The following BBS9 variants were observed in gnomAD, a reference collection of about 807,000 sequenced individuals.
BBS9 encodes Bardet-Biedl syndrome 9, also known as protein PTHB1.
BBS9 carries 89 observed loss-of-function variants against 117.7 expected under a neutral mutation model. That is an observed-to-expected ratio of 0.76 (90% confidence interval 0.64 to 0.90). BBS9 has a LOEUF of 0.90. BBS9 is among the 40% of genes least tolerant of loss of function. The probability of loss-of-function intolerance (pLI) is 0.00; values close to 1 mark genes in which losing one functional copy is unlikely to be tolerated. For synonymous variants in BBS9, 379 were observed against 370.9 expected, an observed-to-expected ratio of 1.02 and a Z score of -0.25; for missense variants, 982 against 1,042.2, an observed-to-expected ratio of 0.94 and a Z score of 0.80.
intron 21 of BBS9, among the ~76,000 whole-genome samples, chr7:33,588,046 A>G (rs1861240223): frequency 6.6e-6 from 1 of 152,114 alleles, no homozygotes; most frequent in Admixed American, 6.6e-5. Context: ...TTCTTCATCC[A>G]TAAATAACTA....
At chr7:33,264,452 G>A in intron 7 of BBS9, 78 bp downstream of exon 7, 2 of 853,838 alleles carry the variant, frequency 2.3e-6, no homozygotes, top group East Asian at 2.8e-5. Flanking sequence ...ATAATTCATG[G>A]GAAGAAAATG....
At chr7:33,408,641 C>G (rs770812189) in intron 19 of BBS9, among the ~76,000 whole-genome samples, 2 of 152,176 alleles carry the variant, frequency 1.3e-5, no homozygotes, top group Non-Finnish European at 2.9e-5. Flanking sequence ...GATTCCATGT[C>G]TTTCCTATTG....
intron 21 of BBS9, among the ~76,000 whole-genome samples, chr7:33,602,276 G>A (rs1863912278): frequency 6.6e-6 from 1 of 152,192 alleles, no homozygotes; most frequent in Non-Finnish European, 1.5e-5. Flanking sequence ...GGTGGGAGCA[G>A]AGGGGGAATT....
chr7:33,398,047 T>C (rs1288673682), intron 19 of BBS9, among the ~76,000 whole-genome samples: 2 of 152,108 alleles, frequency 1.3e-5, no homozygotes, highest in Non-Finnish European at 2.9e-5. Flanking sequence ...TTCAAAGCAA[T>C]GTGAATGCAT....
chr7:33,258,313 T>G (rs375350039), intron 6 of BBS9, among the ~76,000 whole-genome samples: 2 of 152,328 alleles, frequency 1.3e-5, no homozygotes, highest in East Asian at 3.9e-4. Flanking sequence ...AGATATAAAT[T>G]CATCAGGCAA....
chr7:33,635,451 G>T (rs549686838), exon 22 of BBS9, among the ~76,000 whole-genome samples: 1 of 152,310 alleles, frequency 6.6e-6, no homozygotes, highest in African/African-American at 2.4e-5. Flanking sequence ...GCCAGGCCTG[G>T]GCCCTGGAAC....
At chr7:33,450,414 T>C (rs191804227) in intron 19 of BBS9, among the ~76,000 whole-genome samples, 3 of 152,202 alleles carry the variant, frequency 2.0e-5, no homozygotes, top group African/African-American at 7.2e-5. Context: ...TAGATCATGT[T>C]GTAGTTCTAT....
intron 21 of BBS9, among the ~76,000 whole-genome samples, chr7:33,536,449 T>C (rs1449285241): frequency 6.6e-6 from 1 of 152,194 alleles, no homozygotes; most frequent in African/African-American, 2.4e-5. Flanking sequence ...TGTATTGGCA[T>C]ACTTTTGAGG....
intron 1 of BBS9, among the ~76,000 whole-genome samples, chr7:33,134,457 T>C (rs941166063): frequency 6.6e-6 from 1 of 152,216 alleles, no homozygotes; most frequent in Non-Finnish European, 1.5e-5. Context: ...ATTGACTTTT[T>C]TAAATTACTG....
chr7:33,131,335 G>A (rs1789582779), intron 1 of BBS9, among the ~76,000 whole-genome samples: 1 of 152,156 alleles, frequency 6.6e-6, no homozygotes, highest in African/African-American at 2.4e-5. Context: ...AGAGGATAAG[G>A]GACTTGTTTA....
intron 21 of BBS9, among the ~76,000 whole-genome samples, chr7:33,590,491 A>G (rs1861730995): frequency 1.1e-5 from 1 of 91,304 alleles, no homozygotes; most frequent in African/African-American, 8.3e-5. Context: ...AGATCAGACA[A>G]CCAATTAAGG....
intron 6 of BBS9, among the ~76,000 whole-genome samples, chr7:33,261,016 A>G (rs1797898381): frequency 6.6e-6 from 1 of 152,276 alleles, no homozygotes; most frequent in Admixed American, 6.5e-5. Flanking sequence ...GCTCTGACCA[A>G]ATGGAAATAT....
intron 5 of BBS9, among the ~76,000 whole-genome samples, chr7:33,178,376 A>G (rs1288088525): frequency 2.6e-5 from 4 of 152,198 alleles, no homozygotes. Context: ...TAATTAGCAC[A>G]AAGGCCACCT....
At chr7:33,574,708 C>T (rs527526658) in intron 21 of BBS9, among the ~76,000 whole-genome samples, 29 of 146,832 alleles carry the variant, frequency 2.0e-4, no homozygotes, top group African/African-American at 6.2e-4. Context: ...CACACACACA[C>T]ACACACACAC....
chr7:33,437,964 TGTTAA>T (rs1468331794), intron 19 of BBS9, among the ~76,000 whole-genome samples: 1 of 152,216 alleles, frequency 6.6e-6, no homozygotes, highest in African/African-American at 2.4e-5. Context: ...CTGGACATGG[TGTTAA>T]GTTTTGAAAT....
intron 19 of BBS9, among the ~76,000 whole-genome samples, chr7:33,489,740 C>G (rs570055366): frequency 2.6e-5 from 4 of 152,134 alleles, no homozygotes; most frequent in Admixed American, 6.5e-5. Context: ...CCCTAGAGAA[C>G]TGAAACAAAG....
At chr7:33,537,823 G>A (rs115237062) in intron 21 of BBS9, among the ~76,000 whole-genome samples, 4,707 of 152,216 alleles carry the variant, frequency 0.031, 89 homozygotes, top group African/African-American at 0.055. Context: ...AACCTCTCAA[G>A]CATATATGCA....
At chr7:33,201,636 A>G (rs1785885286) in intron 5 of BBS9, among the ~76,000 whole-genome samples, 1 of 152,134 alleles carries the variant, frequency 6.6e-6, no homozygotes, top group Non-Finnish European at 1.5e-5. Flanking sequence ...CCATTTTCAC[A>G]GATTGTGGGT....
At chr7:33,249,913 T>C (rs564746973) in intron 5 of BBS9, among the ~76,000 whole-genome samples, 1 of 152,324 alleles carries the variant, frequency 6.6e-6, no homozygotes, top group Admixed American at 6.5e-5. Flanking sequence ...CTTTTACCTT[T>C]GACTGCTATT....
Sources: allele counts gnomAD v4.1 joint callset (sites outside exome capture counted in the v4.1 genomes callset), GRCh38; gene constraint gnomAD v4.1.1; transcripts MANE v1.5; gene names NCBI Gene and HGNC (gene_info 2026-07-23, HGNC 2026-07-21).